Variants in PON1 observed in about 807,000 individuals in gnomAD.
The protein encoded by PON1 is serum paraoxonase/arylesterase 1.
A neutral mutation model predicts 39.2 loss-of-function variants in PON1; 37 were observed. The observed-to-expected ratio is 0.94, with a 90% CI of 0.73 to 1.24. The LOEUF (loss-of-function observed/expected upper bound fraction) is 1.24. Among genes scored for constraint, PON1 ranks in the 50% most tolerant of loss-of-function variants. The probability of loss-of-function intolerance (pLI) is 0.00; values close to 1 mark genes in which losing one functional copy is unlikely to be tolerated. For synonymous variants in PON1, 148 were observed against 152.2 expected, an observed-to-expected ratio of 0.97 and a Z score of 0.21; for missense variants, 397 against 413.5, an observed-to-expected ratio of 0.96 and a Z score of 0.35.
intron 1 of PON1, among the ~76,000 whole-genome samples, chr7:95,322,815 G>A (rs974039419): frequency 6.6e-6 from 1 of 152,120 alleles, no homozygotes; most frequent in African/African-American, 2.4e-5. Flanking sequence ...AACTCTCTCA[G>A]TTCTTTTCTC....
At chr7:95,312,472 C>T (rs1430317445) in intron 4 of PON1, among the ~76,000 whole-genome samples, 1 of 152,190 alleles carries the variant, frequency 6.6e-6, no homozygotes, top group Non-Finnish European at 1.5e-5. Flanking sequence ...TTCATTACCC[C>T]ATTCAGCAAA....
intron 7 of PON1, among the ~76,000 whole-genome samples, chr7:95,303,112 T>C (rs1807468465): frequency 6.6e-6 from 1 of 152,214 alleles, no homozygotes; most frequent in Non-Finnish European, 1.5e-5. Context: ...GAGGCCAGCA[T>C]ACCTCAGTGC....
intron 5 of PON1, among the ~76,000 whole-genome samples, chr7:95,310,326 T>C (rs1240172865): frequency 2.0e-5 from 3 of 152,262 alleles, no homozygotes; most frequent in Admixed American, 1.3e-4. Flanking sequence ...ATTAGTGTTA[T>C]CATTTGCCCA....
Position 95,299,242 on chromosome 7 carries a change from AAC to A in PON1, c.910-142_910-141del, listed in dbSNP as rs3917574. ...CCTATTTTGTTCCAAAATTACACTT[AAC>A]ACACCTGTTTCTTCATTTGGGAACA... On this transcript the variant is annotated intron_variant, in intron 8 of 8. Transcript: ENST00000222381. 62,811 of 901,492 alleles carry A rather than the reference AAC, an allele frequency of 0.07. 3,142 individuals are homozygous for A. The highest frequency in any genetic ancestry group is 0.16 in the Admixed American group (8,580 of 52,200). 55.8% of individuals were successfully genotyped at this position (901,492 alleles called of 1,614,324 possible).
chr7:95,321,285 G>A (rs747092336), intron 1 of PON1, among the ~76,000 whole-genome samples: 7 of 152,176 alleles, frequency 4.6e-5, no homozygotes, highest in Admixed American at 2.0e-4. Flanking sequence ...TACGAGGTTT[G>A]GAGAGGACGA....
chr7:95,306,327 A>G lies in PON1; in HGVS notation c.738T>C (p.His246=), dbSNP rs1241175558. 1.9e-6 allele frequency: 3 copies of G among 1,612,970 alleles called. No homozygotes were observed. The highest frequency in any genetic ancestry group is 2.5e-6 in the Non-Finnish European group (3 of 1,179,246). The change falls in exon 7 of 9, where the codon CAT becomes CAC. Residue 246 remains histidine (H), a synonymous_variant. Coordinates refer to ENST00000222381, the MANE Select transcript of PON1 (RefSeq NM_000446.7). The stretch of plus-strand genomic sequence containing the variant: ...TCCAATTAGCATGCTTTTCATACAC[A>G]TGAATCTTATGAGCCAGCAACTCAG... The part of the protein sequence containing the change: ...YIAELLAHKI[H]VYEKHANWTL...
At chr7:95,302,123 C>CAAAAAAAAAAAAAAA (rs1198986302) in intron 8 of PON1, 82 bp downstream of exon 8, 36 of 460,322 alleles carry the variant, frequency 7.8e-5, no homozygotes, top group African/African-American at 3.9e-4. Context: ...AAAAAAAAAC[C>CAAAAAAAAAAAAAAA]AAGAATTGAG....
chr7:95,313,611 T>A (rs1807701334), intron 4 of PON1, among the ~76,000 whole-genome samples: 1 of 93,008 alleles, frequency 1.1e-5, no homozygotes, highest in Non-Finnish European at 2.1e-5. Context: ...AAGGGATATA[T>A]ATGTATATGT....
chr7:95,306,398 T>C, intron 6 of PON1, 32 bp from the exon 7 acceptor site: 1 of 1,399,392 alleles, frequency 7.1e-7, no homozygotes, highest in Non-Finnish European at 1.0e-6. Context: ...ATCAAAGTAC[T>C]AGAAGTAACA....
chr7:95,313,605 G>A (rs2299258), intron 4 of PON1, among the ~76,000 whole-genome samples: 16,023 of 138,366 alleles, frequency 0.12, 982 homozygotes, highest in Non-Finnish European at 0.13. Context: ...CATTGAAAGG[G>A]ATATATATGT....
At chr7:95,306,998 G>A (rs1333515848) in intron 6 of PON1, among the ~76,000 whole-genome samples, 1 of 151,396 alleles carries the variant, frequency 6.6e-6, no homozygotes, top group Non-Finnish European at 1.5e-5. Context: ...ATTAAAAGCT[G>A]TCCCTGTCCC....
rs145426851 is a variant in PON1 at position 95,315,395 on chromosome 7, T to C, written c.297A>G (p.Glu99=). Residue 99 remains glutamate (E), a synonymous_variant, in exon 4 of 9, where the codon GAA becomes GAG. Coordinates refer to ENST00000222381, the MANE Select transcript of PON1 (RefSeq NM_000446.7). ...CAAATTTACTTCCAGTGATCCCCAA[T>C]TCCAACACTGTTGGATCTTCTTCAT... ...DLNEEDPTVL[E]LGITGSKFDV... is the part of the protein sequence containing the mutation. 10 of 1,613,236 alleles carry C rather than the reference T, an allele frequency of 6.2e-6. No individual in the cohort carries two copies. In the African/African-American group the frequency reaches 1.2e-4, roughly 19 times the overall value.
chr7:95,311,014 G>A (rs1040516953), intron 5 of PON1, among the ~76,000 whole-genome samples: 1 of 152,228 alleles, frequency 6.6e-6, no homozygotes, highest in East Asian at 1.9e-4. Flanking sequence ...GGCAGTATAA[G>A]GAGGTCTTAG....
At chr7:95,309,805 TAAC>T (rs1252800090) in intron 5 of PON1, among the ~76,000 whole-genome samples, 2 of 152,166 alleles carry the variant, frequency 1.3e-5, no homozygotes, top group Non-Finnish European at 2.9e-5. Context: ...ATATGAATAA[TAAC>T]AAGTTTAAAT....
At chr7:95,322,938 C>A (rs1807931560) in intron 1 of PON1, among the ~76,000 whole-genome samples, 1 of 152,180 alleles carries the variant, frequency 6.6e-6, no homozygotes, top group Non-Finnish European at 1.5e-5. Context: ...CACACACATA[C>A]ACTCCAAGTC....
At chr7:95,320,274 G>A (rs1186220266) in intron 1 of PON1, among the ~76,000 whole-genome samples, 2 of 152,214 alleles carry the variant, frequency 1.3e-5, no homozygotes. Flanking sequence ...ACAAAAGATG[G>A]AGAAAGGCAG....
chr7:95,320,499 G>A (rs545879866), intron 1 of PON1, among the ~76,000 whole-genome samples: 33 of 152,270 alleles, frequency 2.2e-4, no homozygotes, highest in Middle Eastern at 6.8e-3. Context: ...GTATATGCCC[G>A]CGTTTAATCC....
chr7:95,306,390 C>T, intron 6 of PON1, 24 bp from the exon 7 acceptor site: 1 of 1,476,816 alleles, frequency 6.8e-7, no homozygotes, highest in Non-Finnish European at 9.5e-7. Flanking sequence ...AGAGCTACAT[C>T]AAAGTACTAG....
chr7:95,314,814 C>G (rs1431733539), intron 4 of PON1, among the ~76,000 whole-genome samples: 1 of 152,088 alleles, frequency 6.6e-6, no homozygotes, highest in Non-Finnish European at 1.5e-5. Context: ...AAGGATGACA[C>G]CAAGTTATGT....
Sources: gnomAD v4.1 joint callset for allele counts (sites outside exome capture counted in the v4.1 genomes callset) on GRCh38, gnomAD v4.1.1 for gene constraint, MANE v1.5 for transcripts, NCBI Gene and HGNC (gene_info 2026-07-23, HGNC 2026-07-21) for gene names.